TEX46: variants seen among roughly 807,000 people sequenced by gnomAD.
The protein encoded by TEX46 is testis-expressed protein 46.
Under a neutral mutation model 5.3 loss-of-function variants are expected in TEX46, and 6 were observed. That is an observed-to-expected ratio of 1.13 (90% CI 0.62 to 2.23). The LOEUF (loss-of-function observed/expected upper bound fraction) is 2.23. Among genes scored for constraint, TEX46 ranks in the 30% most tolerant of loss-of-function variants. TEX46 has a pLI of 0.00. For missense variants in TEX46, 131 were observed against 150.9 expected, an observed-to-expected ratio of 0.87 and a Z score of 0.69; for synonymous variants, 41 against 54.6, an observed-to-expected ratio of 0.75 and a Z score of 1.10.
chr1:23,011,061 A>G lies in TEX46; in HGVS notation c.206T>C (p.Met69Thr). The G allele has an allele frequency of 1.3e-6, 2 of 1,535,938 alleles. No homozygotes were observed. The highest frequency in any genetic ancestry group is 1.2e-5 in the South Asian group (1 of 84,050). ...LQRLLFSEMK[M>T]KVLENQMFII... is the part of the protein sequence containing the mutation. The stretch of plus-strand genomic sequence containing the variant: ...GAACATCTGATTTTCTAGGACCTTC[A>G]TCTTCATTTCACTGAACAACAGCCG... Residue 69 changes from methionine to threonine, a missense_variant, in exon 3 of 3, where the codon ATG (methionine) becomes ACG (threonine). Transcript: ENST00000566855.
intron 1 of TEX46, among the ~76,000 whole-genome samples, chr1:23,014,965 C>T (rs1405248392): frequency 6.6e-6 from 1 of 152,018 alleles, no homozygotes; most frequent in African/African-American, 2.4e-5. Context: ...GCCTTAGCCT[C>T]CCAAGTAGTT....
chr1:23,012,933 A>G (rs1182091025), intron 2 of TEX46, among the ~76,000 whole-genome samples: 1 of 140,688 alleles, frequency 7.1e-6, no homozygotes, highest in African/African-American at 2.7e-5. Context: ...GTACAGTGGC[A>G]TGCTCACTGC....
chr1:23,014,151 C>G, intron 1 of TEX46, 106 bp from the exon 2 acceptor site: 1 of 1,440,652 alleles, frequency 6.9e-7, no homozygotes, highest in Non-Finnish European at 9.1e-7. Flanking sequence ...ACCCACTCCT[C>G]TGAGTCATAG....
intron 1 of TEX46, among the ~76,000 whole-genome samples, chr1:23,015,402 C>T (rs564782550): frequency 1.3e-4 from 17 of 129,496 alleles, no homozygotes; most frequent in African/African-American, 4.5e-4. Context: ...CGCCACTGCA[C>T]TCCAGCCTGG....
intron 2 of TEX46, among the ~76,000 whole-genome samples, chr1:23,013,011 C>T (rs1003935392): frequency 2.6e-5 from 4 of 151,346 alleles, no homozygotes; most frequent in African/African-American, 4.9e-5. Context: ...ACTACAGGCA[C>T]GCACCACCAT....
At chr1:23,015,122 T>C (rs1412876747) in intron 1 of TEX46, among the ~76,000 whole-genome samples, 2 of 150,656 alleles carry the variant, frequency 1.3e-5, no homozygotes, top group Non-Finnish European at 3.0e-5. Flanking sequence ...GGATTACAGG[T>C]GTGAGTCCCC....
rs759608019 is a variant in TEX46, at chr1:23,011,030, T to C, written c.237A>G (p.Ile79Met). 2 of 1,535,990 alleles carry C rather than the reference T, an allele frequency of 1.3e-6. No individual in the cohort carries two copies. Among genetic ancestry groups the C allele is most frequent in the East Asian group, 4.9e-5 (2 of 40,900 alleles). The change falls in exon 3 of 3, where the codon ATA (isoleucine) becomes ATG (methionine). Residue 79 changes from isoleucine to methionine, a missense_variant. Transcript: ENST00000566855. ...GCCCGTGGTGATTCATTTTATTCCA[T>C]ATGATGAACATCTGATTTTCTAGGA... ...MKVLENQMFI[I>M]WNKMNHHGRS...
intron 1 of TEX46, among the ~76,000 whole-genome samples, chr1:23,014,761 A>C (rs1306473242): frequency 6.6e-6 from 1 of 152,060 alleles, no homozygotes; most frequent in Non-Finnish European, 1.5e-5. Flanking sequence ...AGGTCTTGCT[A>C]TATTGCCCAG....
At chr1:23,012,299 G>C (rs1641361654) in intron 2 of TEX46, among the ~76,000 whole-genome samples, 1 of 151,468 alleles carries the variant, frequency 6.6e-6, no homozygotes, top group African/African-American at 2.4e-5. Context: ...AGCCATGGTT[G>C]TGCCACTGCA....
At chr1:23,015,737 C>CA (rs373171250) in intron 1 of TEX46, 35 bp downstream of exon 1, 23,166 of 433,498 alleles carry the variant, frequency 0.053, 1 homozygote, top group South Asian at 0.08. Flanking sequence ...AAGTCAGTCA[C>CA]AAAAAAAAAA....
In TEX46 at chr1:23,011,108, G is replaced by A; in HGVS notation, c.166-7C>T. On this transcript the variant is annotated splice_polypyrimidine_tract_variant and splice_region_variant and intron_variant, in intron 2 of 2. Transcript: ENST00000566855. Reference sequence around the variant, plus strand: ...GCCGTTGGAGGATCTCGTCCTGGAGGGCAAAGCAGGCATGCGTTCTATTGA... The same window carrying A: ...GCCGTTGGAGGATCTCGTCCTGGAGAGCAAAGCAGGCATGCGTTCTATTGA... The A allele has an allele frequency of 6.5e-7, 1 of 1,534,858 alleles. No homozygotes were observed. The highest frequency in any genetic ancestry group is 8.7e-7 in the Non-Finnish European group (1 of 1,145,822).
At position 23,010,999 on chromosome 1, in the gene TEX46, T is replaced by C; in HGVS notation, c.268A>G (p.Ser90Gly). The change falls in exon 3 of 3, where the codon AGC becomes GGC. Residue 90 changes from serine (S) to glycine (G), a missense_variant. Ser to Gly is a moderately conservative substitution (Grantham distance 56). Transcript: ENST00000566855. ...TTCATGGGAAAATTCCGATGTCTGC[T>C]TGACCGCCCGTGGTGATTCATTTTA... ...WNKMNHHGRSSRHRNFPMKKH... is the reference protein window; with the variant it reads ...WNKMNHHGRSGRHRNFPMKKH... 3.3e-6 allele frequency: 5 copies of C among 1,535,994 alleles called. No individual in the cohort carries two copies. Among genetic ancestry groups the C allele is most frequent in the Non-Finnish European group, 4.4e-6 (5 of 1,146,774 alleles).
At chr1:23,014,158 A>T in intron 1 of TEX46, 113 bp from the exon 2 acceptor site, 1 of 1,420,086 alleles carries the variant, frequency 7.0e-7, no homozygotes, top group Non-Finnish European at 9.2e-7. Flanking sequence ...CCTCTGAGTC[A>T]TAGCCAGCTC....
intron 1 of TEX46, 194 bp from the exon 2 acceptor site, chr1:23,014,239 C>T: frequency 9.4e-7 from 1 of 1,066,754 alleles, no homozygotes; most frequent in Non-Finnish European, 1.3e-6. Context: ...CACTATGTGC[C>T]AGACTCTTTG....
In TEX46 at chr1:23,013,904, G is replaced by T; in HGVS notation, c.144C>A (p.Leu48=). ...SNWLVKYEHK[L]TLPEPQQDEI... ...TCACCTGCTGGGGCTCTGGGAGGGTGAGCTTGTGTTCATACTTGACCAACC... is the reference window on the plus strand; with the variant it reads ...TCACCTGCTGGGGCTCTGGGAGGGTTAGCTTGTGTTCATACTTGACCAACC... The change falls in exon 2 of 3, where the codon CTC becomes CTA. Residue 48 remains leucine, a synonymous_variant. Transcript: ENST00000566855. The T allele has an allele frequency of 1.3e-6, 2 of 1,536,038 alleles. No individual in the cohort carries two copies. Among genetic ancestry groups the T allele is most frequent in the Non-Finnish European group, 1.7e-6 (2 of 1,146,874 alleles).
intron 2 of TEX46, among the ~76,000 whole-genome samples, chr1:23,012,781 T>C (rs533372011): frequency 1.3e-5 from 2 of 152,218 alleles, no homozygotes; most frequent in East Asian, 3.9e-4. Context: ...TGGCCCAATA[T>C]GTCAATAGTG....
intron 1 of TEX46, among the ~76,000 whole-genome samples, chr1:23,015,336 T>C (rs1437279130): frequency 7.0e-6 from 1 of 142,360 alleles, no homozygotes; most frequent in Non-Finnish European, 1.5e-5. Flanking sequence ...CTCGGGAGGC[T>C]GAGGCAGGAG....
chr1:23,014,954 T>G (rs1480019071), intron 1 of TEX46, among the ~76,000 whole-genome samples: 1 of 152,054 alleles, frequency 6.6e-6, no homozygotes. Flanking sequence ...GCGATTTTCC[T>G]GCCTTAGCCT....
chr1:23,010,934 G>C lies in TEX46; in HGVS notation c.333C>G (p.Thr111=), dbSNP rs777570647. The change falls in exon 3 of 3, where the codon ACC becomes ACG. Residue 111 remains threonine, a synonymous_variant. Transcript: ENST00000566855. ...GGGAACTCGAAGTACAGTCAGACAG[G>C]GTGGGGCAAATTGACTCATGCCTCC... ...RMRRHESICP[T]LSDCTSSSPS 9.2e-5 allele frequency: 141 copies of C among 1,533,960 alleles called. No individual in the cohort carries two copies. Among genetic ancestry groups the C allele is most frequent in the Non-Finnish European group, 1.1e-4 (126 of 1,145,182 alleles).
Sources: gnomAD v4.1 joint callset for allele counts (sites outside exome capture counted in the v4.1 genomes callset) on GRCh38, gnomAD v4.1.1 for gene constraint, MANE v1.5 for transcripts, NCBI Gene and HGNC (gene_info 2026-07-23, HGNC 2026-07-21) for gene names.